Variants in ANKS1B observed in about 807,000 individuals in gnomAD.
The protein encoded by ANKS1B is ankyrin repeat and sterile alpha motif domain-containing protein 1B.
Under a neutral mutation model 148.3 loss-of-function variants are expected in ANKS1B, and 36 were observed. The ratio of observed to expected loss-of-function variants is 0.24; its 90% CI spans 0.19 to 0.32. ANKS1B has a LOEUF of 0.32. Among genes scored for constraint, ANKS1B ranks in the 10% least tolerant of loss-of-function variants. ANKS1B has a pLI of 1.00. For missense variants in ANKS1B, 1,157 were observed against 1,542.6 expected, an observed-to-expected ratio of 0.75 and a Z score of 4.19; for synonymous variants, 542 against 560.8, an observed-to-expected ratio of 0.97 and a Z score of 0.47.
rs541977411 is a variant in ANKS1B, at chr12:99,229,971, G to A, written c.2419+14371C>T. Among the ~76,000 whole-genome samples, 3 of 151,304 alleles carry A rather than the reference G, an allele frequency of 2.0e-5. No homozygotes were observed. The Admixed American group carries it at 2.0e-4, about 10-fold the overall frequency. ...ATATGAAATCATTATCCATAGTTTG[G>A]AAAAATTTTTCTTTTAAGAAAATAA... On this transcript the variant is annotated intron_variant, in intron 14 of 26. Coordinates refer to ENST00000683438, the MANE Select transcript of ANKS1B (RefSeq NM_001352186.2).
At position 99,001,289 on chromosome 12, in the gene ANKS1B, G is replaced by T. The variant is rs145314337; in HGVS notation, c.2778+51868C>A. Reference sequence around the variant, plus strand: ...CTGGGAGTATAGACCACCATGCTCAGCTAATTTTTGTTTATTTTTTGTAGA... The same window carrying T: ...CTGGGAGTATAGACCACCATGCTCATCTAATTTTTGTTTATTTTTTGTAGA... On this transcript the variant is annotated intron_variant, in intron 17 of 26. Coordinates refer to ENST00000683438, the MANE Select transcript of ANKS1B (RefSeq NM_001352186.2). 3.6e-3 allele frequency among the ~76,000 whole-genome samples: 550 copies of T among 152,060 alleles called. 4 individuals carry two copies. Among genetic ancestry groups the T allele is most frequent in the African/African-American group, 0.013 (532 of 41,506 alleles).
intron 12 of ANKS1B, among the ~76,000 whole-genome samples, chr12:99,279,861 T>A (rs1256215671): frequency 2.0e-5 from 3 of 151,830 alleles, no homozygotes; most frequent in Admixed American, 2.0e-4. Context: ...AAAAATTAGC[T>A]GGGCATGTGG....
intron 14 of ANKS1B, among the ~76,000 whole-genome samples, chr12:99,191,033 G>A (rs1245672230): frequency 1.3e-5 from 2 of 151,734 alleles, no homozygotes; most frequent in East Asian, 3.8e-4. Flanking sequence ...CAAAAAGTAG[G>A]TGAAGGATAT....
chr12:98,735,883 G>A (rs1156810657), intron 9 of ANKS1B, among the ~76,000 whole-genome samples: 1 of 152,136 alleles, frequency 6.6e-6, no homozygotes, highest in East Asian at 1.9e-4. Flanking sequence ...AGATGGACTG[G>A]CTCTTTCAGA....
chr12:99,853,041 TC>T (rs2088241687), intron 1 of ANKS1B, among the ~76,000 whole-genome samples: 1 of 151,902 alleles, frequency 6.6e-6, no homozygotes, highest in Admixed American at 6.6e-5. Flanking sequence ...CAAACTCCTT[TC>T]CCCCATAGCA....
chr12:99,703,498 C>T (rs890783784), intron 8 of ANKS1B, among the ~76,000 whole-genome samples: 3 of 152,092 alleles, frequency 2.0e-5, no homozygotes, highest in Non-Finnish European at 4.4e-5. Flanking sequence ...TTCAGTATCC[C>T]TGAAACATAT....
intron 17 of ANKS1B, among the ~76,000 whole-genome samples, chr12:98,904,292 C>T (rs540853377): frequency 6.6e-6 from 1 of 152,050 alleles, no homozygotes; most frequent in East Asian, 1.9e-4. Flanking sequence ...CTTGGAGGGC[C>T]TCCAGAAAAT....
chr12:99,235,825 C>G (rs1397706852), intron 14 of ANKS1B, among the ~76,000 whole-genome samples: 4 of 152,164 alleles, frequency 2.6e-5, no homozygotes, highest in Admixed American at 2.0e-4. Context: ...AGAATAACTT[C>G]TCACTTGTTC....
chr12:98,945,953 T>G, intron 17 of ANKS1B, among the ~76,000 whole-genome samples: 1 of 152,214 alleles, frequency 6.6e-6, no homozygotes, highest in East Asian at 1.9e-4. Flanking sequence ...GGTTGAGGCA[T>G]GGACACTGGG....
intron 14 of ANKS1B, among the ~76,000 whole-genome samples, chr12:99,183,972 A>T (rs10745846): frequency 0.85 from 129,011 of 152,198 alleles, 55,242 homozygotes; most frequent in East Asian, 0.99. Flanking sequence ...GTTTCATATA[A>T]ATCAAATATA....
intron 6 of ANKS1B, among the ~76,000 whole-genome samples, chr12:99,777,539 A>C (rs1219807259): frequency 6.6e-6 from 1 of 152,158 alleles, no homozygotes; most frequent in African/African-American, 2.4e-5. Flanking sequence ...TTCCCAAAAG[A>C]CATATTACAC....
intron 14 of ANKS1B, among the ~76,000 whole-genome samples, chr12:99,199,916 C>A (rs1355364425): frequency 2.6e-5 from 4 of 152,024 alleles, no homozygotes; most frequent in Admixed American, 6.6e-5. Flanking sequence ...ATCAGAGATG[C>A]TTGGAGCAGG....
intron 15 of ANKS1B, among the ~76,000 whole-genome samples, chr12:99,142,273 G>A (rs1225279635): frequency 2.0e-5 from 3 of 151,974 alleles, no homozygotes. Context: ...GGTAAACAGG[G>A]ACTAGTAAAA....
chr12:99,648,591 C>T (rs752035317), intron 9 of ANKS1B: 3 of 1,614,194 alleles, frequency 1.9e-6, no homozygotes, highest in Admixed American at 1.7e-5. Flanking sequence ...AACAGCTCCA[C>T]CTGAAGCTTG....
chr12:99,199,208 C>A (rs957009858), intron 14 of ANKS1B, among the ~76,000 whole-genome samples: 1 of 152,122 alleles, frequency 6.6e-6, no homozygotes, highest in Non-Finnish European at 1.5e-5. Context: ...TCCTGACCTG[C>A]AGAAACTGTG....
chr12:98,993,591 T>C (rs1054094735), intron 17 of ANKS1B, among the ~76,000 whole-genome samples: 4 of 152,222 alleles, frequency 2.6e-5, no homozygotes, highest in African/African-American at 4.8e-5. Flanking sequence ...TGGAACTTAA[T>C]TGAATGATGT....
At chr12:99,060,347 C>T (rs561321236) in intron 16 of ANKS1B, among the ~76,000 whole-genome samples, 4 of 152,130 alleles carry the variant, frequency 2.6e-5, no homozygotes, top group African/African-American at 9.6e-5. Context: ...GGACAGTACT[C>T]TGTGGAGTTC....
chr12:99,331,119 T>C (rs561269679), intron 12 of ANKS1B, among the ~76,000 whole-genome samples: 1 of 152,108 alleles, frequency 6.6e-6, no homozygotes, highest in South Asian at 2.1e-4. Context: ...AACTTTATGA[T>C]TATAATCATA....
chr12:99,094,655 A>T (rs182412475), intron 15 of ANKS1B, among the ~76,000 whole-genome samples: 48 of 152,324 alleles, frequency 3.2e-4, no homozygotes, highest in Admixed American at 1.6e-3. Context: ...GCAGGTGCAA[A>T]GGCACTGAGG....
Sources: gnomAD v4.1 joint callset for allele counts (sites outside exome capture counted in the v4.1 genomes callset) on GRCh38, gnomAD v4.1.1 for gene constraint, MANE v1.5 for transcripts, NCBI Gene and HGNC (gene_info 2026-07-23, HGNC 2026-07-21) for gene names.